WDHD1: variants seen among roughly 807,000 people sequenced by gnomAD.
WDHD1 encodes the protein WD repeat and HMG-box DNA-binding protein 1.
WDHD1 carries 111 observed loss-of-function variants against 135.4 expected under a neutral mutation model. The observed-to-expected ratio is 0.82, with a 90% confidence interval of 0.70 to 0.96. The LOEUF (loss-of-function observed/expected upper bound fraction) is 0.96. Among genes scored for constraint, WDHD1 ranks in the 40% least tolerant of loss-of-function variants. WDHD1 has a pLI of 0.00. For synonymous variants in WDHD1, 434 were observed against 439.0 expected, an observed-to-expected ratio of 0.99 and a Z score of 0.14; for missense variants, 1,351 against 1,336.3, an observed-to-expected ratio of 1.01 and a Z score of -0.17.
chr14:54,943,580 T>G (rs1440825418), intron 25 of WDHD1, among the ~76,000 whole-genome samples: 1 of 152,110 alleles, frequency 6.6e-6, no homozygotes, highest in Middle Eastern at 3.2e-3. Context: ...TAAATTTTTG[T>G]AGAGATGGTG....
intron 23 of WDHD1, 23 bp downstream of exon 23, chr14:54,957,011 G>A: frequency 6.2e-7 from 1 of 1,608,418 alleles, no homozygotes; most frequent in Non-Finnish European, 8.5e-7. Context: ...GCTTACTGCA[G>A]ATGAGGGTAG....
intron 2 of WDHD1, among the ~76,000 whole-genome samples, chr14:55,017,225 C>T (rs935154759): frequency 4.6e-5 from 7 of 152,128 alleles, no homozygotes; most frequent in Admixed American, 6.5e-5. Flanking sequence ...AGCAGTCCTG[C>T]GAAAGAAGTG....
chr14:54,997,887 G>A (rs1411832967), intron 10 of WDHD1, among the ~76,000 whole-genome samples: 1 of 143,736 alleles, frequency 7.0e-6, no homozygotes, highest in East Asian at 2.1e-4. Context: ...CTCCAGCTTG[G>A]GCAACAAGAG....
intron 24 of WDHD1, among the ~76,000 whole-genome samples, chr14:54,953,065 G>A (rs2041089203): frequency 6.6e-6 from 1 of 152,170 alleles, no homozygotes; most frequent in Non-Finnish European, 1.5e-5. Context: ...ATAGGAATGT[G>A]CAAGGACTTC....
intron 7 of WDHD1, among the ~76,000 whole-genome samples, chr14:55,003,587 C>CTA (rs140023951): frequency 0.13 from 18,558 of 143,694 alleles, 1,537 homozygotes; most frequent in South Asian, 0.2. Flanking sequence ...GAAAAACGAA[C>CTA]TATATATATA....
At position 54,967,784 on chromosome 14, in the gene WDHD1, C is replaced by T. The variant is rs1452168938; in HGVS notation, c.2064-390G>A. ...TACAGATATATGCCACCATGCCTGG[C>T]TAACTTTTGTATTTTCAGTAGCGAT... On this transcript the variant is annotated intron_variant, in intron 16 of 25. Transcript: ENST00000360586. 6.6e-5 allele frequency among the ~76,000 whole-genome samples: 10 copies of T among 152,084 alleles called. No individual in the cohort carries two copies. The South Asian group carries it at 2.1e-3, about 32-fold the overall frequency.
chr14:54,996,512 G>A (rs1169679707), intron 10 of WDHD1, among the ~76,000 whole-genome samples: 1 of 152,108 alleles, frequency 6.6e-6, no homozygotes, highest in Admixed American at 6.6e-5. Flanking sequence ...AGGTAGGAGG[G>A]TCACCTGAAC....
chr14:54,985,873 T>C (rs1170611940), intron 14 of WDHD1, among the ~76,000 whole-genome samples: 1 of 152,240 alleles, frequency 6.6e-6, no homozygotes, highest in Admixed American at 6.5e-5. Context: ...ATTTTTAGAT[T>C]TTTGGCTTCA....
At position 54,941,641 on chromosome 14, in the gene WDHD1, G is replaced by A. The variant is rs780189991; in HGVS notation, c.3239C>T (p.Ala1080Val). The A allele has an allele frequency of 1.2e-6, 2 of 1,613,664 alleles. No homozygotes were observed. The highest frequency in any genetic ancestry group is 1.7e-6 in the Non-Finnish European group (2 of 1,179,840). ...KGETASEGTE[A>V]KKRKRVVDES... ...ATCAACCACACGTTTTCGCTTCTTT[G>A]CTTCAGTTCCTTCACTTGCCGTTTC... The change falls in exon 26 of 26, where the codon GCA becomes GTA. Residue 1080 changes from alanine (A) to valine (V), a missense_variant. Physicochemically the swap from Ala to Val is moderately conservative, Grantham distance 64 (BLOSUM62 0). Around this residue, in one of 2 missense-constraint regions of WDHD1, gnomAD observed 1,330 missense variants for 1,296.1 expected, o/e 1.03. Transcript: ENST00000360586.
At chr14:54,989,366 T>C (rs2041748224) in intron 12 of WDHD1, among the ~76,000 whole-genome samples, 154 bp from the exon 13 acceptor site, 1 of 152,200 alleles carries the variant, frequency 6.6e-6, no homozygotes, top group Admixed American at 6.5e-5. Flanking sequence ...TCTAAATAGT[T>C]TCTGACAGGA....
chr14:54,988,505 T>G (rs1438973788), intron 13 of WDHD1, among the ~76,000 whole-genome samples: 1 of 152,152 alleles, frequency 6.6e-6, no homozygotes, highest in African/African-American at 2.4e-5. Flanking sequence ...ATATACACCT[T>G]TGTCAACTCA....
intron 24 of WDHD1, among the ~76,000 whole-genome samples, chr14:54,945,561 G>C (rs1451960438): frequency 2.0e-5 from 3 of 152,098 alleles, no homozygotes; most frequent in Non-Finnish European, 4.4e-5. Context: ...TTTTTGTAGA[G>C]ATGGAGTCTA....
At chr14:54,979,047 A>T (rs534918212) in intron 16 of WDHD1, among the ~76,000 whole-genome samples, 3 of 151,906 alleles carry the variant, frequency 2.0e-5, no homozygotes, top group Admixed American at 6.6e-5. Context: ...TACTAAATTC[A>T]TTGCCAAAAG....
intron 3 of WDHD1, 35 bp downstream of exon 3, chr14:55,013,450 C>G (rs140179190): frequency 1.4e-6 from 2 of 1,412,484 alleles, no homozygotes; most frequent in Non-Finnish European, 1.0e-6. Flanking sequence ...ATGCCAGTAT[C>G]ATTTCATATC....
Position 54,947,562 on chromosome 14 carries a change from T to C in WDHD1, c.3051-3092A>G, listed in dbSNP as rs118111298. Among the ~76,000 whole-genome samples the C allele has an allele frequency of 8.6e-4, 131 of 152,280 alleles. 2 individuals are homozygous for C. In the East Asian group the frequency reaches 0.014, roughly 17 times the overall value. The stretch of plus-strand genomic sequence containing the variant: ...TTCAGCATGAGAAAAATGAGATATA[T>C]TATGGTAAAAATGAAATTGTGACTG... On this transcript the variant is annotated intron_variant, in intron 24 of 25. Coordinates refer to ENST00000360586, the MANE Select transcript of WDHD1 (RefSeq NM_007086.4).
chr14:54,972,342 G>A (rs1336291403), intron 16 of WDHD1, among the ~76,000 whole-genome samples: 1 of 151,060 alleles, frequency 6.6e-6, no homozygotes, highest in Non-Finnish European at 1.5e-5. Context: ...ACTTTGAGGG[G>A]TGAGGCAGGC....
chr14:55,015,264 G>A (rs2042240027), intron 2 of WDHD1, among the ~76,000 whole-genome samples: 1 of 151,080 alleles, frequency 6.6e-6, no homozygotes, highest in Non-Finnish European at 1.5e-5. Context: ...GTGCACACCT[G>A]TAATCCCAGC....
rs1195129802 is a variant in WDHD1, at chr14:54,971,712, C to CAAAAA, written c.2064-4323_2064-4319dup. On this transcript the variant is annotated intron_variant, in intron 16 of 25. Coordinates refer to ENST00000360586, the MANE Select transcript of WDHD1 (RefSeq NM_007086.4). Reference sequence around the variant, plus strand: ...TGGGTGACAGAATGAGACTCTGCCTCAAAAAAAAAAAAAAAAAAAAAAAAG... The same window carrying CAAAAA: ...TGGGTGACAGAATGAGACTCTGCCTCAAAAAAAAAAAAAAAAAAAAAAAAAAAAAG... Among the ~76,000 whole-genome samples the CAAAAA allele has an allele frequency of 8.8e-4, 37 of 42,264 alleles. 2 individuals are homozygous for CAAAAA. Among genetic ancestry groups the CAAAAA allele is most frequent in the South Asian group, 1.1e-3 (1 of 914 alleles). The allele number at this position is 42,264 out of a possible 152,430, so 27.7% of individuals were successfully genotyped here.
chr14:54,961,766 A>C (rs1316536089), intron 21 of WDHD1, among the ~76,000 whole-genome samples: 4 of 152,120 alleles, frequency 2.6e-5, no homozygotes, highest in Non-Finnish European at 4.4e-5. Context: ...CCACCAAAAA[A>C]GGGCCAGCAG....
Sources: allele counts gnomAD v4.1 joint callset (sites outside exome capture counted in the v4.1 genomes callset), GRCh38; gene constraint gnomAD v4.1.1; regional missense constraint gnomAD v4.1.1; transcripts MANE v1.5; gene names NCBI Gene and HGNC (gene_info 2026-07-23, HGNC 2026-07-21).